The following NCALD variants were observed in gnomAD, a reference collection of about 807,000 sequenced individuals.
NCALD encodes the protein neurocalcin-delta.
In NCALD, 10 loss-of-function variants were observed where a neutral mutation model predicts 18.6. That is an observed-to-expected ratio of 0.54 (90% CI 0.33 to 0.91). The LOEUF is 0.91. Ranked by LOEUF, NCALD falls within the 40% of genes least tolerant of loss-of-function variation. The probability of loss-of-function intolerance (pLI) is 0.03; values close to 1 mark genes in which losing one functional copy is unlikely to be tolerated. For missense variants in NCALD, 184 were observed against 247.6 expected (o/e 0.74, Z 1.72); for synonymous variants, 88 against 87.4 (o/e 1.01, Z -0.04).
intron 2 of NCALD, among the ~76,000 whole-genome samples, chr8:101,947,486 T>C (rs940879798): frequency 3.3e-5 from 5 of 152,186 alleles, no homozygotes; most frequent in Non-Finnish European, 5.9e-5. Flanking sequence ...CTTCTTTCTG[T>C]TCCCTAATTT....
At chr8:101,695,426 A>G (rs150387796) in intron 2 of NCALD, among the ~76,000 whole-genome samples, 1 of 152,156 alleles carries the variant, frequency 6.6e-6, no homozygotes, top group African/African-American at 2.4e-5. Flanking sequence ...GACTGGCCAT[A>G]GGAGGTGTCT....
chr8:101,733,164 A>C (rs1000293307), intron 1 of NCALD, among the ~76,000 whole-genome samples: 1 of 152,214 alleles, frequency 6.6e-6, no homozygotes, highest in Non-Finnish European at 1.5e-5. Flanking sequence ...AACATGGCTA[A>C]AAGTATTAAT....
rs182795509 is a variant in NCALD at position 102,022,532 on chromosome 8, T to C, written c.-209-2243A>G. On this transcript the variant is annotated intron_variant, in intron 1 of 6. Coordinates refer to the NCALD transcript ENST00000311028. ...GAGCTCTTAAAATGTAGGGGGATTCTGTTTTGAGCTAGTATTGAGGTGTCC... is the reference window on the plus strand; with the variant it reads ...GAGCTCTTAAAATGTAGGGGGATTCCGTTTTGAGCTAGTATTGAGGTGTCC... 4.6e-5 allele frequency among the ~76,000 whole-genome samples: 7 copies of C among 152,328 alleles called. No individual in the cohort carries two copies. In the East Asian group the frequency reaches 1.4e-3, roughly 29 times the overall value.
At chr8:102,027,816 G>A (rs1484305088) in intron 1 of NCALD, among the ~76,000 whole-genome samples, 1 of 152,152 alleles carries the variant, frequency 6.6e-6, no homozygotes, top group Non-Finnish European at 1.5e-5. Context: ...AGAAGTGGAA[G>A]CAAACACACC....
chr8:102,100,654 C>T (rs771221692), intron 1 of NCALD, among the ~76,000 whole-genome samples: 3 of 152,168 alleles, frequency 2.0e-5, no homozygotes, highest in East Asian at 1.9e-4. Flanking sequence ...GGAACCCAAA[C>T]GTTCACCAAC....
At chr8:101,720,940 G>C (rs553029827) in intron 1 of NCALD, among the ~76,000 whole-genome samples, 9 of 152,282 alleles carry the variant, frequency 5.9e-5, no homozygotes, top group Non-Finnish European at 1.2e-4. Context: ...GTAACAGTGA[G>C]GGGACGATAT....
At position 101,965,684 on chromosome 8, in the gene NCALD, A is replaced by G. The variant is rs189240646; in HGVS notation, c.-156-49826T>C. On this transcript the variant is annotated intron_variant, in intron 2 of 6. Transcript: ENST00000311028. Reference sequence around the variant, plus strand: ...ATGTAGACAATGGGTTGATGGGTGCAGCAAACCACCATGGCATGCGTATAC... The same window carrying G: ...ATGTAGACAATGGGTTGATGGGTGCGGCAAACCACCATGGCATGCGTATAC... Among the ~76,000 whole-genome samples the G allele has an allele frequency of 2.2e-3, 329 of 152,288 alleles. 2 individuals carry two copies. Among genetic ancestry groups the G allele is most frequent in the Admixed American group, 2.7e-3 (42 of 15,290 alleles).
At chr8:101,873,618 TAGTAAAAATC>T (rs1816108517) in intron 4 of NCALD, among the ~76,000 whole-genome samples, 1 of 152,162 alleles carries the variant, frequency 6.6e-6, no homozygotes, top group Non-Finnish European at 1.5e-5. Flanking sequence ...GAATGTGATA[TAGTAAAAATC>T]ATGGAGATGG....
At chr8:101,867,617 T>A (rs1051895695) in intron 4 of NCALD, among the ~76,000 whole-genome samples, 3 of 152,210 alleles carry the variant, frequency 2.0e-5, no homozygotes, top group African/African-American at 4.8e-5. Context: ...ATTTAATTTG[T>A]AGGCTTTATT....
At chr8:101,876,256 C>T (rs974343775) in intron 4 of NCALD, among the ~76,000 whole-genome samples, 2 of 152,218 alleles carry the variant, frequency 1.3e-5, no homozygotes, top group Admixed American at 1.3e-4. Context: ...TTCTCCAACA[C>T]ACAGGGTGAA....
chr8:101,912,971 G>A (rs1472803262), intron 3 of NCALD, among the ~76,000 whole-genome samples: 2 of 152,218 alleles, frequency 1.3e-5, no homozygotes, highest in Non-Finnish European at 2.9e-5. Flanking sequence ...TGATTCCTAG[G>A]ACATGAGAGT....
chr8:101,715,375 C>T (rs956925914), intron 2 of NCALD, among the ~76,000 whole-genome samples: 12 of 151,946 alleles, frequency 7.9e-5, no homozygotes, highest in Non-Finnish European at 1.6e-4. Context: ...CCATAAAAAC[C>T]CTAGAAGAAA....
chr8:102,121,382 T>C (rs1281907193), intron 1 of NCALD, among the ~76,000 whole-genome samples: 1 of 151,730 alleles, frequency 6.6e-6, no homozygotes, highest in Non-Finnish European at 1.5e-5. Flanking sequence ...ACCCCAGGAG[T>C]TGGAGAGCTT....
At chr8:101,844,165 G>A (rs973014484) in intron 4 of NCALD, among the ~76,000 whole-genome samples, 18 of 152,130 alleles carry the variant, frequency 1.2e-4, no homozygotes, top group Non-Finnish European at 2.1e-4. Flanking sequence ...CTGTGGAAGT[G>A]CATATTCTCA....
chr8:101,936,953 C>T (rs1481790274), intron 2 of NCALD, among the ~76,000 whole-genome samples: 1 of 152,092 alleles, frequency 6.6e-6, no homozygotes, highest in Non-Finnish European at 1.5e-5. Context: ...CTCTTAATTC[C>T]TTCAATCTTA....
chr8:102,058,455 C>T (rs1300286533), intron 1 of NCALD, among the ~76,000 whole-genome samples: 2 of 152,314 alleles, frequency 1.3e-5, no homozygotes, highest in African/African-American at 2.4e-5. Flanking sequence ...GGGCACCATT[C>T]ATTTTTCCCC....
In NCALD at chr8:102,117,129, T is replaced by C. The variant is rs560572066; in HGVS notation, c.-210+7108A>G. ...GCACGGCATTTCGGCCTCAGACTTC[T>C]AGCCTCCGGAGCCGTGAGAGGATAA... On this transcript the variant is annotated intron_variant, in intron 1 of 6. Coordinates refer to the NCALD transcript ENST00000311028. Among the ~76,000 whole-genome samples the C allele has an allele frequency of 2.6e-5, 4 of 152,338 alleles. No individual in the cohort carries two copies. In the East Asian group the frequency reaches 7.7e-4, roughly 29 times the overall value.
chr8:101,900,825 G>A (rs552986155), intron 3 of NCALD, among the ~76,000 whole-genome samples: 9 of 152,072 alleles, frequency 5.9e-5, no homozygotes, highest in South Asian at 2.1e-4. Flanking sequence ...TGGGTGGATT[G>A]TATAAATATA....
chr8:101,824,501 A>G (rs1727030052), intron 4 of NCALD, among the ~76,000 whole-genome samples: 1 of 151,956 alleles, frequency 6.6e-6, no homozygotes, highest in Non-Finnish European at 1.5e-5. Context: ...GGCTGAACCA[A>G]AGCTCCTACC....
Sources: gnomAD v4.1 joint callset for allele counts (sites outside exome capture counted in the v4.1 genomes callset) on GRCh38, gnomAD v4.1.1 for gene constraint, MANE v1.5 for transcripts, NCBI Gene and HGNC (gene_info 2026-07-23, HGNC 2026-07-21) for gene names.